The following GLYATL1 variants were observed in gnomAD, a reference collection of about 807,000 sequenced individuals.
The protein encoded by GLYATL1 is glycine-N-acyltransferase like 1, also known as glycine N-acyltransferase-like protein 1.
A neutral mutation model predicts 20.0 loss-of-function variants in GLYATL1; 15 were observed. The observed-to-expected ratio is 0.75, with a 90% CI of 0.50 to 1.15. GLYATL1 has a LOEUF of 1.15. Among genes scored for constraint, GLYATL1 ranks in the 50% most tolerant of loss-of-function variants. GLYATL1 has a pLI of 0.00. For missense variants in GLYATL1, 380 were observed against 368.5 expected, an observed-to-expected ratio of 1.03 and a Z score of -0.26; for synonymous variants, 151 against 131.5, an observed-to-expected ratio of 1.15 and a Z score of -1.01.
At chr11:58,913,767 C>A (rs1855105634) in intron 1 of GLYATL1, among the ~76,000 whole-genome samples, 1 of 152,158 alleles carries the variant, frequency 6.6e-6, no homozygotes, top group South Asian at 2.1e-4. Context: ...AAGGTGATAT[C>A]TGAGACCTCA....
intron 1 of GLYATL1, among the ~76,000 whole-genome samples, chr11:58,931,447 T>C (rs779454769): frequency 6.6e-5 from 10 of 152,208 alleles, no homozygotes; most frequent in Non-Finnish European, 1.5e-4. Flanking sequence ...AACAATCTTA[T>C]GTTGCAAACC....
chr11:58,918,941 C>G (rs1855244405), intron 1 of GLYATL1, among the ~76,000 whole-genome samples: 1 of 152,178 alleles, frequency 6.6e-6, no homozygotes, highest in Admixed American at 6.5e-5. Flanking sequence ...TCCACTTGTC[C>G]TGGGCTGCTA....
intron 1 of GLYATL1, among the ~76,000 whole-genome samples, chr11:58,922,021 C>A (rs1855320382): frequency 6.6e-6 from 1 of 152,194 alleles, no homozygotes; most frequent in Non-Finnish European, 1.5e-5. Context: ...ACATTGATTG[C>A]CTTTTTCCTG....
upstream of GLYATL1, among the ~76,000 whole-genome samples, chr11:58,925,818 C>A (rs1855414479): frequency 6.6e-6 from 1 of 152,102 alleles, no homozygotes. Context: ...TACCTATATT[C>A]CCCTTTTTCT....
intron 1 of GLYATL1, among the ~76,000 whole-genome samples, chr11:58,916,192 T>A (rs763065724): frequency 6.6e-6 from 1 of 152,196 alleles, no homozygotes; most frequent in Non-Finnish European, 1.5e-5. Context: ...GTACTGCCAC[T>A]TTCACTCTTT....
intron 2 of GLYATL1, among the ~76,000 whole-genome samples, chr11:58,946,611 GC>G (rs1856585504): frequency 6.6e-6 from 1 of 152,202 alleles, no homozygotes; most frequent in African/African-American, 2.4e-5. Flanking sequence ...GAAAATCTAT[GC>G]CTACTCCTGC....
chr11:58,954,641 C>T, intron 4 of GLYATL1, 129 bp from the exon 5 acceptor site: 1 of 743,168 alleles, frequency 1.3e-6, no homozygotes, highest in Non-Finnish European at 2.2e-6. Context: ...TATCGATGTG[C>T]CCAACTGCAG....
Position 58,947,868 on chromosome 11 carries a change from C to G in GLYATL1, c.89C>G (p.Ser30Cys), listed in dbSNP as rs1302926741. 1.9e-6 allele frequency: 3 copies of G among 1,611,940 alleles called. No homozygotes were observed. The highest frequency in any genetic ancestry group is 2.5e-6 in the Non-Finnish European group (3 of 1,178,010). ...SIPESLKVYG[S>C]VYHINHGNPF... ...TCATCCCTCCTTCAGGTGTATGGCTCTGTGTATCACATCAATCACGGGAAC... is the reference window on the plus strand; with the variant it reads ...TCATCCCTCCTTCAGGTGTATGGCTGTGTGTATCACATCAATCACGGGAAC... The change falls in exon 4 of 7, where the codon TCT becomes TGT. Residue 30 changes from serine to cysteine, a missense_variant. Ser to Cys is a moderately radical substitution (Grantham distance 112). Transcript: ENST00000532726.
chr11:58,941,019 G>A (rs1160336207), intron 1 of GLYATL1, among the ~76,000 whole-genome samples: 2 of 152,036 alleles, frequency 1.3e-5, no homozygotes, highest in African/African-American at 4.8e-5. Context: ...ATTGCAGGGA[G>A]ACTAGGGGAG....
At chr11:58,946,126 C>A (rs1177020167) in intron 2 of GLYATL1, among the ~76,000 whole-genome samples, 1 of 152,118 alleles carries the variant, frequency 6.6e-6, no homozygotes, top group African/African-American at 2.4e-5. Flanking sequence ...ATTTTTACAT[C>A]ATTGAATATA....
intron 1 of GLYATL1, among the ~76,000 whole-genome samples, chr11:58,921,802 C>T (rs972935420): frequency 6.6e-6 from 1 of 152,202 alleles, no homozygotes; most frequent in Non-Finnish European, 1.5e-5. Context: ...CTTCAATAAG[C>T]TGAGTAGCAT....
intron 1 of GLYATL1, among the ~76,000 whole-genome samples, chr11:58,941,430 T>C (rs1315528999): frequency 6.6e-6 from 1 of 152,172 alleles, no homozygotes; most frequent in African/African-American, 2.4e-5. Flanking sequence ...ATTTTCTTAA[T>C]CCAGTCTATC....
chr11:58,935,140 G>A (rs558993044), upstream of GLYATL1: 1 of 152,532 alleles, frequency 6.6e-6, no homozygotes, highest in African/African-American at 2.4e-5. Flanking sequence ...CCCAAAGACT[G>A]TCTGACATCC....
At chr11:58,909,720 G>C (rs532303811), downstream of GLYATL1, among the ~76,000 whole-genome samples, 2 of 152,254 alleles carry the variant, frequency 1.3e-5, no homozygotes, top group South Asian at 4.1e-4. Context: ...TTTCTAGACT[G>C]GTAAGGTAGT....
At chr11:58,912,911 C>A (rs1251154060), downstream of GLYATL1, among the ~76,000 whole-genome samples, 1 of 152,172 alleles carries the variant, frequency 6.6e-6, no homozygotes, top group Non-Finnish European at 1.5e-5. Context: ...CAAGAACATA[C>A]AAAGGTAAGA....
At chr11:58,912,635 T>C (rs1157894881), downstream of GLYATL1, among the ~76,000 whole-genome samples, 1 of 152,210 alleles carries the variant, frequency 6.6e-6, no homozygotes, top group East Asian at 1.9e-4. Flanking sequence ...TGTGACAGTC[T>C]GCCAGGTACT....
chr11:58,936,655 A>G (rs1855850155), upstream of GLYATL1, among the ~76,000 whole-genome samples: 1 of 152,240 alleles, frequency 6.6e-6, no homozygotes, highest in Non-Finnish European at 1.5e-5. Context: ...AATCAGAAAG[A>G]AAATATTAAG....
intron 1 of GLYATL1, among the ~76,000 whole-genome samples, chr11:58,918,068 C>T (rs190227231): frequency 2.0e-5 from 3 of 152,098 alleles, no homozygotes; most frequent in Admixed American, 2.0e-4. Flanking sequence ...ACTGACAAGG[C>T]AGATCTACTC....
Position 58,956,196 on chromosome 11 carries a change from C to A in GLYATL1, c.*169C>A. ...AAGACACAGCCATGCTCTTGAGGAG[C>A]TTACAATCCTGGCTGGAGGCAGGGG... On this transcript the variant is annotated 3_prime_UTR_variant, in exon 7 of 7. Coordinates refer to ENST00000532726, the MANE Select transcript of GLYATL1 (RefSeq NM_001389712.2). 1 of 644,814 alleles carries A rather than the reference C, an allele frequency of 1.6e-6. No individual in the cohort carries two copies. 39.9% of individuals were successfully genotyped at this position (644,814 alleles called of 1,614,324 possible). A position where few individuals can be genotyped will look rare whatever the true frequency, so the allele number is the denominator to read the frequency against.
Sources: allele counts gnomAD v4.1 joint callset (sites outside exome capture counted in the v4.1 genomes callset), GRCh38; gene constraint gnomAD v4.1.1; transcripts MANE v1.5; gene names NCBI Gene and HGNC (gene_info 2026-07-23, HGNC 2026-07-21).